Variants in FARS2 observed in about 807,000 individuals in gnomAD.
FARS2 encodes the protein phenylalanyl-tRNA synthetase 2, mitochondrial.
A neutral mutation model predicts 46.4 loss-of-function variants in FARS2; 40 were observed. The ratio of observed to expected loss-of-function variants is 0.86; its 90% CI spans 0.67 to 1.12. The LOEUF (loss-of-function observed/expected upper bound fraction) is 1.12. Ranked by LOEUF, FARS2 falls within the 50% of genes most tolerant of loss-of-function variation. The pLI is 0.00. For missense variants in FARS2, 513 were observed against 567.9 expected (o/e 0.90, Z 0.98); for synonymous variants, 234 against 214.9 (o/e 1.09, Z -0.78).
chr6:5,548,701 C>A (rs1771187849), intron 5 of FARS2, among the ~76,000 whole-genome samples: 1 of 152,192 alleles, frequency 6.6e-6, no homozygotes, highest in African/African-American at 2.4e-5. Flanking sequence ...TTTAAGTGTA[C>A]TTACAACAAT....
chr6:5,619,967 T>G lies in FARS2; in HGVS notation c.1217+6647T>G, dbSNP rs1775678381. ...CACAACAGCTCTTACACTTTTACAT[T>G]TTCCCAATCATGACTGTTTTCCATA... On this transcript the variant is annotated intron_variant, in intron 6 of 6. Transcript: ENST00000274680. Among the ~76,000 whole-genome samples the G allele has an allele frequency of 2.6e-5, 4 of 152,138 alleles. No homozygotes were observed. The South Asian group carries it at 8.3e-4, about 32-fold the overall frequency.
chr6:5,427,975 G>A (rs1413683753), intron 3 of FARS2, among the ~76,000 whole-genome samples: 1 of 152,166 alleles, frequency 6.6e-6, no homozygotes, highest in East Asian at 1.9e-4. Flanking sequence ...CCTGGAGAAG[G>A]GAGAGCCATC....
intron 1 of FARS2, among the ~76,000 whole-genome samples, chr6:5,268,591 G>A (rs1403647164): frequency 6.6e-6 from 1 of 152,028 alleles, no homozygotes; most frequent in African/African-American, 2.4e-5. Flanking sequence ...GTACCATGCT[G>A]TTTTGGTTAT....
At chr6:5,277,195 CACAGTT>C (rs934283586) in intron 1 of FARS2, among the ~76,000 whole-genome samples, 3 of 150,810 alleles carry the variant, frequency 2.0e-5, no homozygotes, top group Non-Finnish European at 4.4e-5. Flanking sequence ...GGGGCTGGTT[CACAGTT>C]TTGTTTTTTT....
chr6:5,747,717 A>AC (rs1761718716), intron 6 of FARS2, among the ~76,000 whole-genome samples: 1 of 152,204 alleles, frequency 6.6e-6, no homozygotes, highest in Non-Finnish European at 1.5e-5. Flanking sequence ...GGGTTCAGTC[A>AC]CTTGTTGAAA....
At chr6:5,326,126 A>T (rs986181833) in intron 1 of FARS2, among the ~76,000 whole-genome samples, 16 of 152,332 alleles carry the variant, frequency 1.1e-4, no homozygotes, top group African/African-American at 3.6e-4. Flanking sequence ...TCATCCTAAG[A>T]TAAATGGACA....
chr6:5,370,874 CAT>C (rs1561992094), intron 2 of FARS2, among the ~76,000 whole-genome samples: 1 of 152,166 alleles, frequency 6.6e-6, no homozygotes, highest in African/African-American at 2.4e-5. Context: ...AAATTATGCT[CAT>C]GTGTATGTAT....
intron 6 of FARS2, among the ~76,000 whole-genome samples, chr6:5,635,666 C>CA (rs562181344): frequency 1.5e-4 from 23 of 152,256 alleles, no homozygotes; most frequent in Admixed American, 1.5e-3. Flanking sequence ...AACACGCACC[C>CA]AGCCCCTCTG....
chr6:5,294,052 T>C (rs1767684220), intron 1 of FARS2, among the ~76,000 whole-genome samples: 1 of 152,224 alleles, frequency 6.6e-6, no homozygotes. Flanking sequence ...GTGATTATTA[T>C]ACAACCTAGC....
chr6:5,540,039 T>A (rs1350078535), intron 4 of FARS2, among the ~76,000 whole-genome samples: 1 of 152,192 alleles, frequency 6.6e-6, no homozygotes, highest in African/African-American at 2.4e-5. Context: ...GGGCTCCCTC[T>A]TATGTGAAGT....
chr6:5,408,029 C>T (rs149814973), intron 3 of FARS2, among the ~76,000 whole-genome samples: 1 of 151,884 alleles, frequency 6.6e-6, no homozygotes. Flanking sequence ...TTAGCATCCT[C>T]CTTATTTATG....
chr6:5,531,555 AGAC>A (rs1429777653), intron 4 of FARS2, among the ~76,000 whole-genome samples: 4 of 152,226 alleles, frequency 2.6e-5, no homozygotes, highest in Non-Finnish European at 4.4e-5. Flanking sequence ...ACTGCTTGTA[AGAC>A]CCAGAGACTC....
At chr6:5,665,341 A>G (rs1778060322) in intron 6 of FARS2, 1 of 152,454 alleles carries the variant, frequency 6.6e-6, no homozygotes, top group Non-Finnish European at 1.5e-5. Context: ...GCTGCTAAGC[A>G]CATGGGTCAC....
At chr6:5,546,374 C>T (rs1016544428) in intron 5 of FARS2, among the ~76,000 whole-genome samples, 3 of 151,232 alleles carry the variant, frequency 2.0e-5, no homozygotes. Context: ...CCTCAGCCTC[C>T]TGAGCAGCTG....
intron 5 of FARS2, chr6:5,609,588 T>C: frequency 1.6e-6 from 2 of 1,279,654 alleles, no homozygotes; most frequent in Non-Finnish European, 2.2e-6. Context: ...ACCACCAAAG[T>C]TTCCAGAACC....
intron 6 of FARS2, among the ~76,000 whole-genome samples, chr6:5,693,367 G>C (rs1757890761): frequency 6.6e-6 from 1 of 152,214 alleles, no homozygotes; most frequent in East Asian, 1.9e-4. Context: ...ATGACTTATG[G>C]GGAATCCATT....
At chr6:5,317,273 A>C (rs1439085941) in intron 1 of FARS2, among the ~76,000 whole-genome samples, 1 of 152,218 alleles carries the variant, frequency 6.6e-6, no homozygotes, top group East Asian at 1.9e-4. Flanking sequence ...TATTCGACAA[A>C]AAATCACAAG....
chr6:5,631,146 G>A (rs1776273650), intron 6 of FARS2, among the ~76,000 whole-genome samples: 1 of 152,194 alleles, frequency 6.6e-6, no homozygotes, highest in African/African-American at 2.4e-5. Flanking sequence ...GCTGGGAAAG[G>A]AAGGTGTGAG....
the FARS2 span, among the ~76,000 whole-genome samples, chr6:5,254,367 G>T: frequency 3.1e-4 from 47 of 152,338 alleles, no homozygotes; most frequent in African/African-American, 1.1e-3. Flanking sequence ...AGAGTTTGTA[G>T]AATCCCGAAG....
Sources: gnomAD v4.1 joint callset for allele counts (sites outside exome capture counted in the v4.1 genomes callset) on GRCh38, gnomAD v4.1.1 for gene constraint, MANE v1.5 for transcripts, NCBI Gene and HGNC (gene_info 2026-07-23, HGNC 2026-07-21) for gene names.